The following CATSPERB variants were observed in gnomAD, a reference collection of about 807,000 sequenced individuals.
CATSPERB encodes the protein catsper channel auxiliary subunit beta, also known as cation channel sperm-associated auxiliary subunit beta.
In CATSPERB, 93 loss-of-function variants were observed where a neutral mutation model predicts 128.3. The observed-to-expected ratio is 0.72, with a 90% CI of 0.61 to 0.86. CATSPERB has a LOEUF of 0.86. Among genes scored for constraint, CATSPERB ranks in the 40% least tolerant of loss-of-function variants. CATSPERB has a pLI of 0.00. For missense variants in CATSPERB, 1,153 were observed against 1,329.5 expected, an observed-to-expected ratio of 0.87 and a Z score of 2.06; for synonymous variants, 381 against 448.8, an observed-to-expected ratio of 0.85 and a Z score of 1.91.
At chr14:91,624,769 AT>A (rs1287972063) in intron 18 of CATSPERB, 50 bp downstream of exon 18, 6 of 1,353,220 alleles carry the variant, frequency 4.4e-6, no homozygotes, top group Admixed American at 2.6e-5. Context: ...ACAAAAGATA[AT>A]TTTTCATTTT....
At chr14:91,619,861 T>TTGTGTGTG (rs55687285) in intron 19 of CATSPERB, among the ~76,000 whole-genome samples, 71 of 139,124 alleles carry the variant, frequency 5.1e-4, no homozygotes, top group East Asian at 1.7e-3. Flanking sequence ...TGTAATAAAA[T>TTGTGTGTG]TGTGTGTGTG....
intron 19 of CATSPERB, among the ~76,000 whole-genome samples, chr14:91,620,776 T>C (rs527641785): frequency 6.6e-6 from 1 of 152,306 alleles, no homozygotes; most frequent in East Asian, 1.9e-4. Context: ...AAATTGGGCC[T>C]GTGGAACTCA....
intron 4 of CATSPERB, among the ~76,000 whole-genome samples, chr14:91,722,641 A>T (rs113499886): frequency 1.3e-5 from 2 of 152,204 alleles, no homozygotes; most frequent in Non-Finnish European, 2.9e-5. Flanking sequence ...ACTTTAAATG[A>T]GTGAACTGTA....
intron 1 of CATSPERB, among the ~76,000 whole-genome samples, chr14:91,729,769 T>C (rs1347087269): frequency 6.6e-6 from 1 of 152,220 alleles, no homozygotes; most frequent in African/African-American, 2.4e-5. Flanking sequence ...TACACAGCTA[T>C]GTAAAACAGA....
At chr14:91,663,487 T>C (rs1171056433) in intron 14 of CATSPERB, among the ~76,000 whole-genome samples, 1 of 151,662 alleles carries the variant, frequency 6.6e-6, no homozygotes, top group South Asian at 2.1e-4. Context: ...CTACTAAAAA[T>C]ACAAAAAATT....
At chr14:91,692,669 G>A (rs1319085060) in intron 9 of CATSPERB, among the ~76,000 whole-genome samples, 1 of 152,010 alleles carries the variant, frequency 6.6e-6, no homozygotes, top group African/African-American at 2.4e-5. Context: ...TTTTTGAGAG[G>A]TACTTGTTAA....
intron 5 of CATSPERB, among the ~76,000 whole-genome samples, chr14:91,715,619 T>C (rs1243998292): frequency 6.9e-6 from 1 of 144,056 alleles, no homozygotes. Context: ...TTCAATGCAA[T>C]ACAAAATTAA....
chr14:91,583,884 C>T (rs1467250612), intron 26 of CATSPERB, among the ~76,000 whole-genome samples: 1 of 151,930 alleles, frequency 6.6e-6, no homozygotes. Flanking sequence ...TTCTCCTCCC[C>T]TTTCTTTTCT....
chr14:91,659,991 T>C lies in CATSPERB; in HGVS notation c.1288-10A>G. Reference sequence around the variant, plus strand: ...CAACTGAAAGCCATATCTAAAGGAATAAAGAGATAATACCTTACTAAAGGG... The same window carrying C: ...CAACTGAAAGCCATATCTAAAGGAACAAAGAGATAATACCTTACTAAAGGG... On this transcript the variant is annotated splice_polypyrimidine_tract_variant and intron_variant, in intron 14 of 26. Coordinates refer to ENST00000256343, the MANE Select transcript of CATSPERB (RefSeq NM_024764.4). 1 of 1,573,070 alleles carries C rather than the reference T, an allele frequency of 6.4e-7. No individual in the cohort carries two copies. The highest frequency in any genetic ancestry group is 8.6e-7 in the Non-Finnish European group (1 of 1,166,544).
At chr14:91,705,939 T>A (rs1248246251) in intron 6 of CATSPERB, among the ~76,000 whole-genome samples, 1 of 151,602 alleles carries the variant, frequency 6.6e-6, no homozygotes, top group African/African-American at 2.4e-5. Flanking sequence ...AAAGGGAGGG[T>A]TTTTTTTCTT....
chr14:91,640,198 C>T (rs1305167143), intron 15 of CATSPERB, among the ~76,000 whole-genome samples: 1 of 151,932 alleles, frequency 6.6e-6, no homozygotes, highest in African/African-American at 2.4e-5. Flanking sequence ...ATGGCAGCTG[C>T]ATTATTGCTG....
intron 10 of CATSPERB, among the ~76,000 whole-genome samples, chr14:91,687,024 A>G (rs1289290416): frequency 6.6e-6 from 1 of 152,184 alleles, no homozygotes; most frequent in Admixed American, 6.5e-5. Context: ...ATAATTTAGC[A>G]TACTTTGTAT....
chr14:91,725,221 A>T (rs1341178935), intron 2 of CATSPERB, 53 bp from the exon 3 acceptor site: 46 of 738,852 alleles, frequency 6.2e-5, no homozygotes, highest in Non-Finnish European at 8.6e-5. Context: ...GACTGTCCAT[A>T]AAAAGTACCA....
intron 5 of CATSPERB, among the ~76,000 whole-genome samples, chr14:91,719,184 T>C (rs749416561): frequency 6.6e-5 from 10 of 152,208 alleles, no homozygotes; most frequent in Non-Finnish European, 1.0e-4. Flanking sequence ...AATATAAATG[T>C]TGTATATGTC....
At chr14:91,620,186 A>T (rs1295185474) in intron 19 of CATSPERB, among the ~76,000 whole-genome samples, 1 of 152,118 alleles carries the variant, frequency 6.6e-6, no homozygotes, top group Non-Finnish European at 1.5e-5. Flanking sequence ...CCCCATTCTA[A>T]GCCCATGCTG....
chr14:91,607,522 A>G (rs1893734012), intron 22 of CATSPERB, among the ~76,000 whole-genome samples: 1 of 152,228 alleles, frequency 6.6e-6, no homozygotes, highest in African/African-American at 2.4e-5. Flanking sequence ...AGAGGCCAGC[A>G]TGGCTAGAGC....
Position 91,723,116 on chromosome 14 carries a change from C to T in CATSPERB, c.242G>A (p.Gly81Glu), listed in dbSNP as rs2097857625. 11 of 1,561,306 alleles carry T rather than the reference C, an allele frequency of 7.0e-6. No individual in the cohort carries two copies. The highest frequency in any genetic ancestry group is 8.7e-6 in the Non-Finnish European group (10 of 1,153,414). ...KAMLSVFTSG[G>E]LAPSLGIMNS... ...CATGATTCCCAAGCTGGGAGCAAGT[C>T]CTCCTGATGTGAACACACTTAGCAT... is the stretch of plus-strand genomic sequence containing the variant. The change falls in exon 4 of 27, where the codon GGA becomes GAA. Residue 81 changes from glycine to glutamate, a missense_variant. Coordinates refer to ENST00000256343, the MANE Select transcript of CATSPERB (RefSeq NM_024764.4).
intron 22 of CATSPERB, among the ~76,000 whole-genome samples, chr14:91,593,204 C>T (rs888092928): frequency 9.2e-5 from 14 of 152,196 alleles, no homozygotes; most frequent in African/African-American, 2.9e-4. Context: ...TAGGGCAGTG[C>T]AGAAGGGAAA....
chr14:91,668,911 G>T (rs764506505), intron 14 of CATSPERB, among the ~76,000 whole-genome samples: 8 of 152,184 alleles, frequency 5.3e-5, no homozygotes, highest in Non-Finnish European at 7.4e-5. Flanking sequence ...GCGAGGGTCC[G>T]CAGATTCATT....
Sources: allele counts gnomAD v4.1 joint callset (sites outside exome capture counted in the v4.1 genomes callset), GRCh38; gene constraint gnomAD v4.1.1; transcripts MANE v1.5; gene names NCBI Gene and HGNC (gene_info 2026-07-23, HGNC 2026-07-21).